The following FCAR variants were observed in gnomAD, a reference collection of about 807,000 sequenced individuals.
The protein encoded by FCAR is immunoglobulin alpha Fc receptor.
In FCAR, 21 loss-of-function variants were observed where a neutral mutation model predicts 27.1. That is an observed-to-expected ratio of 0.77 (90% confidence interval 0.55 to 1.11). The LOEUF is 1.11. Among genes scored for constraint, FCAR ranks in the 50% most tolerant of loss-of-function variants. The probability of loss-of-function intolerance (pLI) is 0.00; values close to 1 mark genes in which losing one functional copy is unlikely to be tolerated. For synonymous variants in FCAR, 134 were observed against 135.8 expected, an observed-to-expected ratio of 0.99 and a Z score of 0.09; for missense variants, 404 against 358.4, an observed-to-expected ratio of 1.13 and a Z score of -1.03.
intron 2 of FCAR, 42 bp from the exon 3 acceptor site, chr19:54,885,193 C>T (rs934494872): frequency 1.3e-6 from 2 of 1,558,778 alleles, no homozygotes; most frequent in South Asian, 1.1e-5. Flanking sequence ...GAATGGCTTC[C>T]CCATGGCAAG....
chr19:54,874,458 T>C (rs2065982548), intron 1 of FCAR, 135 bp downstream of exon 1: 1 of 814,202 alleles, frequency 1.2e-6, no homozygotes, highest in South Asian at 1.6e-5. Context: ...GGAAAGGCCG[T>C]CTTTGTCAAT....
In FCAR at chr19:54,874,279, G is replaced by A. The variant is rs549456933; in HGVS notation, c.-11G>A. ...AAAGGAGAGCAACGGGGCTGAGGCC[G>A]TGTCAGCACGATGGACCCCAAACAG... On this transcript the variant is annotated 5_prime_UTR_variant, in exon 1 of 5. It adds an upstream start codon to the 5' untranslated region. Coordinates refer to ENST00000355524, the MANE Select transcript of FCAR (RefSeq NM_002000.4). 48 of 1,614,068 alleles carry A rather than the reference G, an allele frequency of 3.0e-5. No homozygotes were observed. Among genetic ancestry groups the A allele is most frequent in the South Asian group, 2.5e-4 (23 of 91,064 alleles).
intron 3 of FCAR, 132 bp from the exon 4 acceptor site, chr19:54,887,875 C>A (rs2066831538): frequency 1.6e-6 from 1 of 639,714 alleles, no homozygotes; most frequent in African/African-American, 1.9e-5. Flanking sequence ...TGAGATCACG[C>A]CACTGCACTC....
intron 3 of FCAR, 33 bp downstream of exon 3, chr19:54,885,558 G>A (rs1180598158): frequency 5.3e-6 from 8 of 1,496,550 alleles, no homozygotes; most frequent in Middle Eastern, 3.5e-4. Context: ...CAGCCCTGGT[G>A]TGATTTTTTT....
chr19:54,889,371 C>CAAAAAA (rs764886901), intron 4 of FCAR, among the ~76,000 whole-genome samples: 1 of 77,634 alleles, frequency 1.3e-5, no homozygotes, highest in Non-Finnish European at 2.5e-5. Context: ...GACTCCATCT[C>CAAAAAA]AAAAAAAAAA....
chr19:54,877,756 T>C (rs1157812891), intron 2 of FCAR, among the ~76,000 whole-genome samples: 1 of 152,180 alleles, frequency 6.6e-6, no homozygotes, highest in Non-Finnish European at 1.5e-5. Flanking sequence ...CCCTTAACAC[T>C]GCCTTAGCTG....
intron 2 of FCAR, 101 bp downstream of exon 2, chr19:54,875,466 C>A: frequency 2.1e-6 from 2 of 955,468 alleles, no homozygotes; most frequent in South Asian, 1.4e-5. Context: ...TTATTTTAAT[C>A]CCCATTCTAG....
rs1192655305 is a variant in FCAR at position 54,889,070 on chromosome 19, G to GAAA, written c.650-567_650-565dup. On this transcript the variant is annotated intron_variant, in intron 4 of 4. Coordinates refer to ENST00000355524, the MANE Select transcript of FCAR (RefSeq NM_002000.4). ...GTGACAGAACGAGACTCCACCTCAAGAAAAAAAAAAAAAACATGGTTGGGC... is the reference window on the plus strand; with the variant it reads ...GTGACAGAACGAGACTCCACCTCAAGAAAAAAAAAAAAAAAAACATGGTTGGGC... The GAAA allele has an allele frequency of 9.3e-5, 11 of 118,480 alleles. 1 individual carries two copies. The East Asian group carries it at 1.9e-3, about 21-fold the overall frequency. 7.3% of individuals were successfully genotyped at this position (118,480 alleles called of 1,614,324 possible).
chr19:54,887,991 C>T lies in FCAR; in HGVS notation c.362-16C>T, dbSNP rs1003017573. ...GAGAAAAGGTCTTTCTAATAGCTCA[C>T]TCTTTTCTCTCTTAGGCTTGTATGG... On this transcript the variant is annotated splice_polypyrimidine_tract_variant and intron_variant, in intron 3 of 4. Coordinates refer to ENST00000355524, the MANE Select transcript of FCAR (RefSeq NM_002000.4). 3 of 1,583,254 alleles carry T rather than the reference C, an allele frequency of 1.9e-6. No individual in the cohort carries two copies. Among genetic ancestry groups the T allele is most frequent in the Non-Finnish European group, 1.7e-6 (2 of 1,161,918 alleles).
rs2066718728 is a variant in FCAR, at chr19:54,886,297, C to CTTTTTTTTTTTTTTTTTT, written c.361+775_361+776insTTTTTTTTTTTTTTTTTT. 2.5e-5 allele frequency among the ~76,000 whole-genome samples: 2 copies of CTTTTTTTTTTTTTTTTTT among 80,088 alleles called. 1 individual carries two copies. Among genetic ancestry groups the CTTTTTTTTTTTTTTTTTT allele is most frequent in the African/African-American group, 1.1e-4 (2 of 17,602 alleles). 52.5% of individuals were successfully genotyped at this position (80,088 alleles called of 152,430 possible). On this transcript the variant is annotated intron_variant, in intron 3 of 4. Transcript: ENST00000355524. Reference sequence around the variant, plus strand: ...CACATTGCATTCAGGTGTCATGTATCTTTATTTTTTTTTTTTTTTTTTTTT... The same window carrying CTTTTTTTTTTTTTTTTTT: ...CACATTGCATTCAGGTGTCATGTATCTTTTTTTTTTTTTTTTTTTTTATTTTTTTTTTTTTTTTTTTTT...
intron 2 of FCAR, among the ~76,000 whole-genome samples, chr19:54,878,803 T>C (rs587675114): frequency 6.6e-6 from 1 of 151,424 alleles, no homozygotes; most frequent in African/African-American, 2.4e-5. Flanking sequence ...TCTCCATTTC[T>C]TTACTTTGAG....
intron 2 of FCAR, among the ~76,000 whole-genome samples, chr19:54,881,770 G>A (rs1000280412): frequency 2.6e-5 from 4 of 152,134 alleles, no homozygotes; most frequent in African/African-American, 9.7e-5. Context: ...TACTCGGGAG[G>A]AGGATGAGGC....
intron 2 of FCAR, among the ~76,000 whole-genome samples, chr19:54,879,623 G>A (rs587692988): frequency 6.6e-5 from 10 of 151,800 alleles, no homozygotes; most frequent in South Asian, 4.2e-4. Flanking sequence ...CTGTTAGCTC[G>A]ATGGCATTCC....
chr19:54,884,681 A>AT (rs1171500888), intron 2 of FCAR, among the ~76,000 whole-genome samples: 1 of 143,752 alleles, frequency 7.0e-6, no homozygotes, highest in East Asian at 2.4e-4. Flanking sequence ...AGACTACTAG[A>AT]TGGGGGGGAA....
Position 54,888,216 on chromosome 19 carries a change from T to G in FCAR, c.571T>G (p.Tyr191Asp), listed in dbSNP as rs780547421. The G allele has an allele frequency of 1.2e-6, 2 of 1,614,176 alleles. No homozygotes were observed. Among genetic ancestry groups the G allele is most frequent in the South Asian group, 2.2e-5 (2 of 91,078 alleles). Residue 191 changes from tyrosine (Y) to aspartate (D), a missense_variant, in exon 4 of 5, where the codon TAC becomes GAC. Coordinates refer to ENST00000355524, the MANE Select transcript of FCAR (RefSeq NM_002000.4). ...TGTGGACCTCAATGTCTCAGGGATCTACAGGTGCTACGGTTGGTACAACAG... is the reference window on the plus strand; with the variant it reads ...TGTGGACCTCAATGTCTCAGGGATCGACAGGTGCTACGGTTGGTACAACAG... ...GPVDLNVSGI[Y>D]RCYGWYNRSP...
chr19:54,885,130 G>T (rs890944819), intron 2 of FCAR, 105 bp from the exon 3 acceptor site: 84 of 1,000,824 alleles, frequency 8.4e-5, no homozygotes, highest in Middle Eastern at 3.2e-4. Context: ...AATAAAGAAT[G>T]GTAGGTTCTT....
intron 4 of FCAR, 145 bp downstream of exon 4, chr19:54,888,439 C>T: frequency 2.1e-6 from 3 of 1,440,124 alleles, no homozygotes; most frequent in Non-Finnish European, 9.1e-7. Flanking sequence ...AAAGGCTTCC[C>T]CACCACACTT....
At chr19:54,885,152 G>A (rs2066632426) in intron 2 of FCAR, 83 bp from the exon 3 acceptor site, 3 of 1,221,830 alleles carry the variant, frequency 2.5e-6, no homozygotes, top group Non-Finnish European at 3.4e-6. Context: ...ACACCCTAAT[G>A]TATTTTTACT....
At chr19:54,885,605 AT>A in intron 3 of FCAR, 80 bp downstream of exon 3, 1 of 1,123,278 alleles carries the variant, frequency 8.9e-7, no homozygotes, top group Non-Finnish European at 1.3e-6. Flanking sequence ...GAAGTTTTAG[AT>A]TTACAAACAA....
Sources: allele counts gnomAD v4.1 joint callset (sites outside exome capture counted in the v4.1 genomes callset), GRCh38; gene constraint gnomAD v4.1.1; transcripts MANE v1.5; gene names NCBI Gene and HGNC (gene_info 2026-07-23, HGNC 2026-07-21).